MICAL3: variants seen among roughly 807,000 people sequenced by gnomAD.
The protein encoded by MICAL3 is microtubule associated monooxygenase, calponin and LIM domain containing 3.
MICAL3 carries 62 observed loss-of-function variants against 207.4 expected under a neutral mutation model. The observed-to-expected ratio is 0.30, with a 90% CI of 0.24 to 0.37. MICAL3 has a LOEUF of 0.37. Among genes scored for constraint, MICAL3 ranks in the 10% least tolerant of loss-of-function variants. MICAL3 has a pLI of 1.00. For synonymous variants in MICAL3, 1,077 were observed against 1,069.3 expected (o/e 1.01, Z -0.14); for missense variants, 2,368 against 2,635.6 (o/e 0.90, Z 2.22).
rs1217680133 is a variant in MICAL3 at position 17,841,036 on chromosome 22, CAT to C, written c.2801+784_2801+785del. 2.0e-5 allele frequency: 3 copies of C among 152,296 alleles called. No individual in the cohort carries two copies. The highest frequency in any genetic ancestry group is 4.4e-5 in the Non-Finnish European group (3 of 68,078). 9.4% of individuals were successfully genotyped at this position (152,296 alleles called of 1,614,324 possible). On this transcript the variant is annotated intron_variant, in intron 20 of 31. Coordinates refer to ENST00000441493, the MANE Select transcript of MICAL3 (RefSeq NM_015241.3). The surrounding 1 kb of genome is among the most constrained non-coding windows in gnomAD (Gnocchi z 4.2). ...AACTGCTCTGCTCTCCTTATCCCCACATGTTCCCTTCATCATGGCTAAATCAA... is the reference window on the plus strand; with the variant it reads ...AACTGCTCTGCTCTCCTTATCCCCACGTTCCCTTCATCATGGCTAAATCAA...
intron 1 of MICAL3, among the ~76,000 whole-genome samples, chr22:17,959,010 G>GTTT (rs34107784): frequency 0.034 from 2,921 of 85,816 alleles, 121 homozygotes; most frequent in East Asian, 0.1. Flanking sequence ...CGGGCCTGGG[G>GTTT]TTTTTTTTTT....
At chr22:17,931,525 C>A (rs1933263955) in intron 1 of MICAL3, among the ~76,000 whole-genome samples, 1 of 152,214 alleles carries the variant, frequency 6.6e-6, no homozygotes, top group South Asian at 2.1e-4. Flanking sequence ...GCCAACAGGA[C>A]ACATGCTCCC....
intron 1 of MICAL3, among the ~76,000 whole-genome samples, chr22:17,948,912 C>CAAAAAAAAAAAAAAA (rs112234424): frequency 1.9e-5 from 2 of 106,660 alleles, no homozygotes; most frequent in East Asian, 2.5e-4. Flanking sequence ...GATGCTGCCT[C>CAAAAAAAAAAAAAAA]AAAAAAAAAA....
At chr22:17,798,969 G>A (rs891891166) in intron 29 of MICAL3, among the ~76,000 whole-genome samples, 7 of 151,932 alleles carry the variant, frequency 4.6e-5, no homozygotes, top group South Asian at 2.1e-4. Context: ...CACCGTGCCC[G>A]GCCAGAGCAA....
chr22:17,819,016 A>G lies in MICAL3; in HGVS notation c.3645T>C (p.Asp1215=). The G allele has an allele frequency of 1.2e-6, 2 of 1,607,560 alleles. No individual in the cohort carries two copies. Among genetic ancestry groups the G allele is most frequent in the Non-Finnish European group, 1.7e-6 (2 of 1,176,978 alleles). ...GGATGGGAGAGTGCACAGCTTTCAG[A>G]TCCGAGGGGGCATCAGCTTTGGGCT... ...KEKPKADAPS[D]LKAVHSPIRS... The change falls in exon 26 of 32, where the codon GAT becomes GAC. Residue 1215 remains aspartate (D), a synonymous_variant. Transcript: ENST00000441493.
rs1922447803 is a variant in MICAL3 at position 17,828,475 on chromosome 22, G to A, written c.3056-694C>T. Among the ~76,000 whole-genome samples, 3 of 152,336 alleles carry A rather than the reference G, an allele frequency of 2.0e-5. No individual in the cohort carries two copies. The South Asian group carries it at 6.2e-4, about 32-fold the overall frequency. ...GTCTGAGGCAAGGACACGGATCCCA[G>A]TGGAGGGTAGAGTCAGGGGAGGTGA... On this transcript the variant is annotated intron_variant, in intron 21 of 31. Coordinates refer to ENST00000441493, the MANE Select transcript of MICAL3 (RefSeq NM_015241.3).
At chr22:17,887,022 T>TA (rs1360003068) in intron 15 of MICAL3, 148 bp downstream of exon 15, 13 of 149,770 alleles carry the variant, frequency 8.7e-5, no homozygotes, top group Admixed American at 2.0e-4. Context: ...AAAAAGAAAA[T>TA]AAAAAAAAGA....
intron 20 of MICAL3, chr22:17,834,190 G>A: frequency 2.0e-6 from 2 of 1,004,220 alleles, no homozygotes; most frequent in South Asian, 5.1e-5. Context: ...GTGACTGTGA[G>A]TTGATTATTT....
At chr22:17,821,328 G>A (rs1045670122) in intron 25 of MICAL3, 99 bp downstream of exon 25, 1 of 1,041,370 alleles carries the variant, frequency 9.6e-7, no homozygotes, top group South Asian at 1.6e-5. Flanking sequence ...CCCCAGTCTT[G>A]GTGGGACCCA....
intron 1 of MICAL3, among the ~76,000 whole-genome samples, chr22:17,986,296 G>A (rs1349185330): frequency 1.3e-5 from 2 of 152,314 alleles, no homozygotes; most frequent in East Asian, 1.9e-4. Context: ...CAAGATGGGC[G>A]GATCACCTGA....
chr22:17,887,026 A>T, intron 15 of MICAL3, 144 bp downstream of exon 15: 1 of 475,162 alleles, frequency 2.1e-6, no homozygotes, highest in Non-Finnish European at 3.6e-6. Context: ...AGAAAATAAA[A>T]AAAAGAAAAG....
intron 27 of MICAL3, among the ~76,000 whole-genome samples, chr22:17,811,975 C>A (rs1169791817): frequency 6.6e-6 from 1 of 152,192 alleles, no homozygotes; most frequent in African/African-American, 2.4e-5. Context: ...TCTTAATCTC[C>A]TGGGCTTAAG....
chr22:17,821,169 G>C (rs375054322), intron 25 of MICAL3, among the ~76,000 whole-genome samples: 1 of 152,092 alleles, frequency 6.6e-6, no homozygotes, highest in East Asian at 1.9e-4. Flanking sequence ...GTGGGGCAGA[G>C]GTAGTAGGTG....
intron 7 of MICAL3, 109 bp downstream of exon 7, chr22:17,899,339 C>T (rs1189443691): frequency 1.3e-6 from 1 of 760,586 alleles, no homozygotes; most frequent in Non-Finnish European, 2.3e-6. Flanking sequence ...AAGATGCATT[C>T]AGTGCTCATT....
chr22:17,912,369 A>G (rs1479776386), intron 1 of MICAL3, among the ~76,000 whole-genome samples: 3 of 87,160 alleles, frequency 3.4e-5, no homozygotes, highest in Non-Finnish European at 6.5e-5. Context: ...CTATTTCTGT[A>G]AAAAAAAAAA....
intron 28 of MICAL3, 97 bp downstream of exon 28, chr22:17,810,606 G>T: frequency 2.0e-6 from 2 of 991,546 alleles, no homozygotes; most frequent in Non-Finnish European, 3.1e-6. Flanking sequence ...GCTCTGCTCT[G>T]CACTGTGCTT....
rs754123293 is a variant in MICAL3, at chr22:17,817,547, G to T, written c.5114C>A (p.Pro1705His). 1.9e-6 allele frequency: 3 copies of T among 1,613,462 alleles called. No individual in the cohort carries two copies. The Admixed American group carries it at 5.0e-5, about 27-fold the overall frequency. Reference sequence around the variant, plus strand: ...CTTCTTCTCCTTCTTGTTTCTGCGGGGGGAGAAGAGTGACGACCTCTTCTT... The same window carrying T: ...CTTCTTCTCCTTCTTGTTTCTGCGGTGGGAGAAGAGTGACGACCTCTTCTT... Reference protein sequence around the residue: ...KSKKRSSLFSPRRNKKEKKSK... With the variant: ...KSKKRSSLFSHRRNKKEKKSK... Residue 1705 changes from proline to histidine, a missense_variant, in exon 26 of 32, where the codon CCC (proline) becomes CAC (histidine). Around this residue, in one of 4 missense-constraint regions of MICAL3, gnomAD observed 1,770 missense variants for 1,863.2 expected, o/e 0.95. Coordinates refer to ENST00000441493, the MANE Select transcript of MICAL3 (RefSeq NM_015241.3).
chr22:17,881,922 C>G (rs921775853), intron 16 of MICAL3, among the ~76,000 whole-genome samples: 1 of 152,204 alleles, frequency 6.6e-6, no homozygotes, highest in African/African-American at 2.4e-5. Flanking sequence ...GTATTCCCTT[C>G]GAGAGTCTGT....
intron 5 of MICAL3, among the ~76,000 whole-genome samples, chr22:17,901,450 C>G (rs1184532300): frequency 6.6e-6 from 1 of 152,110 alleles, no homozygotes; most frequent in Non-Finnish European, 1.5e-5. Context: ...GAGCAGAGTG[C>G]TTGAGCCAAG....
Sources: gnomAD v4.1 joint callset for allele counts (sites outside exome capture counted in the v4.1 genomes callset) on GRCh38, gnomAD v4.1.1 for gene constraint, gnomAD v4.1.1 regional missense constraint, Gnocchi (gnomAD v3.1) non-coding constraint, MANE v1.5 for transcripts, NCBI Gene and HGNC (gene_info 2026-07-23, HGNC 2026-07-21) for gene names.